Variants in FCF1 observed in about 807,000 individuals in gnomAD.
FCF1 encodes rRNA-processing protein FCF1 homolog.
FCF1 carries 17 observed loss-of-function variants against 32.5 expected under a neutral mutation model. The ratio of observed to expected loss-of-function variants is 0.52; its 90% CI spans 0.36 to 0.78. The LOEUF is 0.78. Ranked by LOEUF, FCF1 falls within the 30% of genes least tolerant of loss-of-function variation. The pLI is 0.00. For synonymous variants in FCF1, 84 were observed against 78.4 expected (o/e 1.07, Z -0.38); for missense variants, 201 against 241.1 (o/e 0.83, Z 1.10).
chr14:74,725,118 T>C (rs758655697), intron 5 of FCF1, among the ~76,000 whole-genome samples: 17 of 151,398 alleles, frequency 1.1e-4, no homozygotes, highest in Non-Finnish European at 1.9e-4. Flanking sequence ...TCAGCTACTA[T>C]TGGAGTCAAG....
intron 2 of FCF1, 40 bp from the exon 3 acceptor site, chr14:74,714,832 T>G: frequency 6.6e-7 from 1 of 1,522,538 alleles, no homozygotes; most frequent in Non-Finnish European, 8.8e-7. Flanking sequence ...TGCTGTGGTT[T>G]TTCTTCTCCC....
intron 3 of FCF1, among the ~76,000 whole-genome samples, chr14:74,715,263 A>G (rs574396439): frequency 2.0e-4 from 30 of 152,282 alleles, no homozygotes; most frequent in Admixed American, 5.9e-4. Context: ...TCACCAAAAA[A>G]TATTTAAAAT....
chr14:74,719,767 A>G (rs2090475706), intron 4 of FCF1, among the ~76,000 whole-genome samples: 1 of 152,162 alleles, frequency 6.6e-6, no homozygotes, highest in Non-Finnish European at 1.5e-5. Flanking sequence ...CCTGTCTCAA[A>G]AGGGGGAAAA....
chr14:74,722,749 C>T (rs2090522481), intron 4 of FCF1, among the ~76,000 whole-genome samples: 1 of 151,726 alleles, frequency 6.6e-6, no homozygotes, highest in Admixed American at 6.6e-5. Context: ...GCCTGGGCAA[C>T]ATGGCAAAGC....
At chr14:74,727,560 C>T (rs867960367) in intron 5 of FCF1, among the ~76,000 whole-genome samples, 214 of 151,252 alleles carry the variant, frequency 1.4e-3, no homozygotes, top group Middle Eastern at 3.4e-3. Flanking sequence ...TGTAGGTTGC[C>T]TGTTCACTCT....
Position 74,715,998 on chromosome 14 carries a change from G to T in FCF1, c.191G>T (p.Gly64Val). 1 of 1,613,818 alleles carries T rather than the reference G, an allele frequency of 6.2e-7. No individual in the cohort carries two copies. ...CLFFQYNTQLGPPYHILVDTN... is the reference protein window; with the variant it reads ...CLFFQYNTQLVPPYHILVDTN... ...TTTTTCCAATATAATACACAGCTGG[G>T]CCCACCTTACCACATCCTCGTTGAT... Residue 64 changes from glycine (G) to valine (V), a missense_variant, in exon 4 of 8, where the codon GGC (glycine) becomes GTC (valine). Gly to Val is a moderately radical substitution (Grantham distance 109). Around this residue, in one of 3 missense-constraint regions of FCF1, gnomAD observed 76 missense variants for 75.0 expected, o/e 1.01. Coordinates refer to ENST00000341162, the MANE Select transcript of FCF1 (RefSeq NM_015962.5).
intron 2 of FCF1, 111 bp from the exon 3 acceptor site, chr14:74,714,761 G>A: frequency 7.3e-7 from 1 of 1,376,330 alleles, no homozygotes; most frequent in South Asian, 1.4e-5. Context: ...TCACAAAGTA[G>A]GATTTCTTCA....
chr14:74,721,331 G>A (rs1182489890), intron 4 of FCF1, among the ~76,000 whole-genome samples: 4 of 151,972 alleles, frequency 2.6e-5, no homozygotes, highest in Non-Finnish European at 5.9e-5. Flanking sequence ...ACGGGCATGA[G>A]CCACCACACC....
At chr14:74,720,564 G>T (rs1333210061) in intron 4 of FCF1, among the ~76,000 whole-genome samples, 1 of 152,120 alleles carries the variant, frequency 6.6e-6, no homozygotes, top group African/African-American at 2.4e-5. Flanking sequence ...TGTATGGATA[G>T]ATCACATTTT....
chr14:74,735,307 G>C lies in FCF1; in HGVS notation c.*377G>C, dbSNP rs1311592738. 1 of 160,712 alleles carries C rather than the reference G, an allele frequency of 6.2e-6. No individual in the cohort carries two copies. The highest frequency in any genetic ancestry group is 2.4e-5 in the African/African-American group (1 of 41,628). 10.0% of individuals were successfully genotyped at this position (160,712 alleles called of 1,614,324 possible). On this transcript the variant is annotated 3_prime_UTR_variant, in exon 8 of 8. Coordinates refer to ENST00000341162, the MANE Select transcript of FCF1 (RefSeq NM_015962.5). ...TGTCTAGTTACCTTGCAGCTGCACA[G>C]CTAGAGAAACAGGGTATTTACAATG... is the stretch of plus-strand genomic sequence containing the variant.
At chr14:74,720,857 G>A (rs1186455660) in intron 4 of FCF1, among the ~76,000 whole-genome samples, 1 of 147,364 alleles carries the variant, frequency 6.8e-6, no homozygotes, top group Non-Finnish European at 1.5e-5. Flanking sequence ...TATCAATCAT[G>A]TTGCCCAAGT....
chr14:74,733,795 T>G (rs1407206826), intron 6 of FCF1, among the ~76,000 whole-genome samples: 1 of 152,154 alleles, frequency 6.6e-6, no homozygotes, highest in African/African-American at 2.4e-5. Flanking sequence ...TCCCTTTCAT[T>G]TATGAGCAGA....
chr14:74,732,774 A>C lies in FCF1; in HGVS notation c.409A>C (p.Lys137Gln), dbSNP rs1328650779. 2 of 1,613,336 alleles carry C rather than the reference A, an allele frequency of 1.2e-6. No homozygotes were observed. The highest frequency in any genetic ancestry group is 8.5e-7 in the Non-Finnish European group (1 of 1,179,508). The part of the protein sequence containing the change: ...PRFERLPCTH[K>Q]GTYADDCLVQ... Reference sequence around the variant, plus strand: ...ATTTGAACGATTACCATGTACACACAAAGGAACCTATGCAGATGACTGCTT... The same window carrying C: ...ATTTGAACGATTACCATGTACACACCAAGGAACCTATGCAGATGACTGCTT... The change falls in exon 6 of 8, where the codon AAA (lysine) becomes CAA (glutamine). Residue 137 changes from lysine (K) to glutamine (Q), a missense_variant. Physicochemically the swap from Lys to Gln is moderately conservative, Grantham distance 53. Coordinates refer to ENST00000341162, the MANE Select transcript of FCF1 (RefSeq NM_015962.5).
chr14:74,724,381 T>G (rs2090547968), intron 5 of FCF1, among the ~76,000 whole-genome samples: 1 of 152,216 alleles, frequency 6.6e-6, no homozygotes, highest in African/African-American at 2.4e-5. Flanking sequence ...CCTCCTGGGC[T>G]TAAGCAGTCC....
At chr14:74,728,770 C>T (rs1211927226) in intron 5 of FCF1, among the ~76,000 whole-genome samples, 6 of 152,130 alleles carry the variant, frequency 3.9e-5, no homozygotes, top group East Asian at 1.9e-4. Flanking sequence ...TTTTGAAATA[C>T]GTCCCATCAA....
intron 5 of FCF1, among the ~76,000 whole-genome samples, chr14:74,728,512 A>G (rs896450285): frequency 2.0e-5 from 3 of 152,320 alleles, no homozygotes; most frequent in African/African-American, 7.2e-5. Flanking sequence ...GGCTGAGACA[A>G]TGGGGTTTTC....
chr14:74,732,891 A>C, intron 6 of FCF1, 73 bp downstream of exon 6: 1 of 899,358 alleles, frequency 1.1e-6, no homozygotes. Context: ...CTGAATGTTC[A>C]TGGTCAGTAA....
intron 5 of FCF1, among the ~76,000 whole-genome samples, chr14:74,725,480 CAAAAAAAAAAAAA>C (rs35508938): frequency 1.8e-3 from 71 of 40,002 alleles, no homozygotes; most frequent in South Asian, 8.6e-3. Context: ...ACCCTGTCTC[CAAAAAAAAAAAAA>C]AAAAAAAAAA....
Position 74,716,013 on chromosome 14 carries a change from TC to T in FCF1, c.208del (p.Leu70SerfsTer11). On this transcript the variant is annotated frameshift_variant, in exon 4 of 8. Transcript: ENST00000341162. LOFTEE classifies it high-confidence loss of function. ...YNTQLGPPYH[I>X]LVDTNFINFS... Reference sequence around the variant, plus strand: ...ACACAGCTGGGCCCACCTTACCACATCCTCGTTGATACCAACTTTATCAACT... The same window carrying T: ...ACACAGCTGGGCCCACCTTACCACATCTCGTTGATACCAACTTTATCAACT... The T allele has an allele frequency of 6.2e-7, 1 of 1,613,944 alleles. No homozygotes were observed. Among genetic ancestry groups the T allele is most frequent in the African/African-American group, 1.3e-5 (1 of 75,042 alleles).
Sources: gnomAD v4.1 joint callset for allele counts (sites outside exome capture counted in the v4.1 genomes callset) on GRCh38, gnomAD v4.1.1 for gene constraint, gnomAD v4.1.1 regional missense constraint, MANE v1.5 for transcripts, NCBI Gene and HGNC (gene_info 2026-07-23, HGNC 2026-07-21) for gene names.